Variants in ADARB2 observed in about 807,000 individuals in gnomAD.
ADARB2 encodes adenosine deaminase RNA specific B2 (inactive).
ADARB2 carries 25 observed loss-of-function variants against 62.2 expected under a neutral mutation model. That is an observed-to-expected ratio of 0.40 (90% CI 0.29 to 0.56). The LOEUF is 0.56. ADARB2 is among the 20% of genes least tolerant of loss of function. The pLI is 0.43. For synonymous variants in ADARB2, 572 were observed against 500.8 expected, an observed-to-expected ratio of 1.14 and a Z score of -1.90; for missense variants, 1,071 against 1,077.4, an observed-to-expected ratio of 0.99 and a Z score of 0.08.
intron 1 of ADARB2, among the ~76,000 whole-genome samples, chr10:1,658,140 CTCTCTG>C (rs1834196064): frequency 2.0e-5 from 3 of 150,468 alleles, no homozygotes; most frequent in African/African-American, 7.5e-5. Flanking sequence ...GTCTCTCTCT[CTCTCTG>C]TATCTTATTC....
intron 1 of ADARB2, among the ~76,000 whole-genome samples, chr10:1,474,126 G>A (rs1409831430): frequency 1.9e-5 from 1 of 53,914 alleles, no homozygotes; most frequent in Non-Finnish European, 3.8e-5. Context: ...TTGTGTGAAT[G>A]TCTCAGGCTT....
chr10:1,383,776 TC>T (rs1356204413), intron 1 of ADARB2, among the ~76,000 whole-genome samples: 1 of 152,216 alleles, frequency 6.6e-6, no homozygotes, highest in Non-Finnish European at 1.5e-5. Flanking sequence ...ATCTATAAGG[TC>T]CTCAGCACGT....
At chr10:1,341,020 C>A (rs563325771) in intron 3 of ADARB2, among the ~76,000 whole-genome samples, 5 of 149,236 alleles carry the variant, frequency 3.4e-5, no homozygotes, top group East Asian at 4.0e-4. Flanking sequence ...TGCCCCACAT[C>A]GGCAATAACC....
chr10:1,227,502 G>A (rs939593955), intron 6 of ADARB2, among the ~76,000 whole-genome samples: 2 of 152,316 alleles, frequency 1.3e-5, no homozygotes, highest in African/African-American at 4.8e-5. Flanking sequence ...CGTCGCTCAC[G>A]CTGGGAGCTG....
At chr10:1,277,129 C>T (rs901450674) in intron 3 of ADARB2, among the ~76,000 whole-genome samples, 1 of 152,184 alleles carries the variant, frequency 6.6e-6, no homozygotes, top group African/African-American at 2.4e-5. Flanking sequence ...AAATTTATAG[C>T]ACTAAATGCC....
chr10:1,490,501 C>A (rs1207417035), intron 1 of ADARB2, among the ~76,000 whole-genome samples: 2 of 152,062 alleles, frequency 1.3e-5, no homozygotes, highest in South Asian at 4.2e-4. Flanking sequence ...GTGGCCCAGG[C>A]TGGAGTGCAG....
intron 3 of ADARB2, 115 bp from the exon 4 acceptor site, chr10:1,271,184 T>C (rs1831258876): frequency 6.5e-6 from 5 of 774,056 alleles, no homozygotes; most frequent in Non-Finnish European, 1.1e-5. Flanking sequence ...CACATGGGCC[T>C]GCTCTCCTCC....
At chr10:1,439,832 C>A (rs1477715583) in intron 1 of ADARB2, among the ~76,000 whole-genome samples, 1 of 146,066 alleles carries the variant, frequency 6.8e-6, no homozygotes, top group African/African-American at 2.6e-5. Context: ...CAGATGGAGG[C>A]AGGTCCTTCA....
chr10:1,510,124 C>CTTTCTTTCTTTCT (rs1564312561), intron 1 of ADARB2, among the ~76,000 whole-genome samples: 5 of 117,600 alleles, frequency 4.3e-5, no homozygotes, highest in African/African-American at 1.5e-4. Context: ...TTCTTTCTTT[C>CTTTCTTTCTTTCT]TTTCTTTCTT....
Position 1,336,320 on chromosome 10 carries a change from T to C in ADARB2, c.1077+26708A>G, listed in dbSNP as rs376837248. On this transcript the variant is annotated intron_variant, in intron 3 of 9. Coordinates refer to ENST00000381312, the MANE Select transcript of ADARB2 (RefSeq NM_018702.4). Reference sequence around the variant, plus strand: ...CTATTTCCATATCTGTTTCTCTGGTTCACTGTTTCTTAATAAATGTTATCC... The same window carrying C: ...CTATTTCCATATCTGTTTCTCTGGTCCACTGTTTCTTAATAAATGTTATCC... 3.3e-5 allele frequency among the ~76,000 whole-genome samples: 5 copies of C among 152,360 alleles called. No individual in the cohort carries two copies. In the East Asian group the frequency reaches 5.8e-4, roughly 18 times the overall value.
At chr10:1,611,279 C>A (rs1833569530) in intron 1 of ADARB2, among the ~76,000 whole-genome samples, 1 of 152,180 alleles carries the variant, frequency 6.6e-6, no homozygotes, top group Non-Finnish European at 1.5e-5. Context: ...TCAGTGTGCC[C>A]AAGGCCCATA....
At chr10:1,216,751 A>G (rs1371655196) in intron 7 of ADARB2, 200 bp downstream of exon 7, 3 of 712,464 alleles carry the variant, frequency 4.2e-6, no homozygotes, top group African/African-American at 3.7e-5. Context: ...TTGCTCCCTC[A>G]GGGACTCGGG....
chr10:1,632,371 C>T (rs1031143622), intron 1 of ADARB2, among the ~76,000 whole-genome samples: 16 of 152,170 alleles, frequency 1.1e-4, no homozygotes, highest in African/African-American at 3.1e-4. Context: ...CTCACACAGG[C>T]TTGCAAACAC....
chr10:1,263,039 C>A (rs11250365), intron 4 of ADARB2, among the ~76,000 whole-genome samples: 2 of 149,534 alleles, frequency 1.3e-5, no homozygotes, highest in African/African-American at 4.9e-5. Flanking sequence ...GGACAAAAAA[C>A]CAAACACTGC....
intron 3 of ADARB2, among the ~76,000 whole-genome samples, chr10:1,341,577 A>G (rs1192505800): frequency 6.7e-5 from 10 of 148,504 alleles, no homozygotes; most frequent in African/African-American, 1.8e-4. Flanking sequence ...GGCAATAACC[A>G]GCATCCACCA....
intron 1 of ADARB2, among the ~76,000 whole-genome samples, chr10:1,530,696 T>G (rs572571607): frequency 6.6e-6 from 1 of 152,284 alleles, no homozygotes; most frequent in Non-Finnish European, 1.5e-5. Context: ...CTCTCCAAAC[T>G]CCTCTCAAGT....
chr10:1,635,005 G>A (rs781225369), intron 1 of ADARB2, among the ~76,000 whole-genome samples: 20 of 152,208 alleles, frequency 1.3e-4, no homozygotes, highest in Non-Finnish European at 2.5e-4. Flanking sequence ...ACCCTGGAAA[G>A]CTGGCATAAA....
rs138504165 is a variant in ADARB2, at chr10:1,428,822, T to TAC, written c.101-49664_101-49663dup. 5.9e-4 allele frequency among the ~76,000 whole-genome samples: 89 copies of TAC among 149,760 alleles called. 1 individual carries two copies. Among genetic ancestry groups the TAC allele is most frequent in the South Asian group, 1.9e-3 (9 of 4,718 alleles). ...TTACACAGATTTAAACACATGCACTTACACACACACACACGCAATCCCACA... is the reference window on the plus strand; with the variant it reads ...TTACACAGATTTAAACACATGCACTTACACACACACACACACGCAATCCCACA... On this transcript the variant is annotated intron_variant, in intron 1 of 9. Transcript: ENST00000381312.
intron 1 of ADARB2, among the ~76,000 whole-genome samples, chr10:1,605,773 T>C (rs1833486349): frequency 6.6e-6 from 1 of 152,196 alleles, no homozygotes; most frequent in African/African-American, 2.4e-5. Flanking sequence ...GGAAGAGTGA[T>C]GCAAAAGGGC....
Sources: allele counts gnomAD v4.1 joint callset (sites outside exome capture counted in the v4.1 genomes callset), GRCh38; gene constraint gnomAD v4.1.1; transcripts MANE v1.5; gene names NCBI Gene and HGNC (gene_info 2026-07-23, HGNC 2026-07-21).